SLC49A4: variants seen among roughly 807,000 people sequenced by gnomAD.
The protein encoded by SLC49A4 is solute carrier family 49 member 4, also known as disrupted in renal cancer protein 2.
In SLC49A4, 36 loss-of-function variants were observed where a neutral mutation model predicts 50.6. The observed-to-expected ratio is 0.71, with a 90% CI of 0.55 to 0.94. The LOEUF is 0.94. Among genes scored for constraint, SLC49A4 ranks in the 40% least tolerant of loss-of-function variants. The pLI, the probability that SLC49A4 is intolerant of heterozygous loss-of-function variation, is 0.00. For synonymous variants in SLC49A4, 248 were observed against 241.2 expected, an observed-to-expected ratio of 1.03 and a Z score of -0.26; for missense variants, 503 against 605.7, an observed-to-expected ratio of 0.83 and a Z score of 1.78.
intron 8 of SLC49A4, among the ~76,000 whole-genome samples, chr3:122,874,496 G>C (rs992742705): frequency 3.3e-5 from 5 of 152,104 alleles, no homozygotes; most frequent in Admixed American, 6.5e-5. Context: ...CCTCTTTTTG[G>C]TCAGTTTCTG....
chr3:122,824,730 CT>C (rs71621693), intron 2 of SLC49A4, among the ~76,000 whole-genome samples: 4,141 of 82,834 alleles, frequency 0.05, 28 homozygotes, highest in Middle Eastern at 0.11. Flanking sequence ...TTTTTTCCTT[CT>C]TTTTTTTTTT....
intron 4 of SLC49A4, among the ~76,000 whole-genome samples, chr3:122,843,722 A>T (rs1383166238): frequency 2.6e-5 from 4 of 152,302 alleles, no homozygotes; most frequent in Middle Eastern, 3.4e-3. Flanking sequence ...CTCATTGTAT[A>T]GTTTGACATG....
chr3:122,838,214 A>G (rs1389024048), intron 4 of SLC49A4, among the ~76,000 whole-genome samples: 8 of 152,192 alleles, frequency 5.3e-5, no homozygotes. Context: ...CTGGGTATAT[A>G]CCCAAAGGAT....
chr3:122,822,031 G>A (rs1936461033), intron 2 of SLC49A4, among the ~76,000 whole-genome samples: 1 of 152,100 alleles, frequency 6.6e-6, no homozygotes, highest in South Asian at 2.1e-4. Flanking sequence ...GTTCCCGAGA[G>A]CATCCACACT....
chr3:122,845,301 CT>C (rs955405744), intron 4 of SLC49A4, among the ~76,000 whole-genome samples: 107 of 152,246 alleles, frequency 7.0e-4, no homozygotes, highest in African/African-American at 2.4e-3. Flanking sequence ...TGATCTTGTT[CT>C]TTTTTATGTC....
intron 2 of SLC49A4, among the ~76,000 whole-genome samples, chr3:122,810,062 A>C (rs1182630543): frequency 6.6e-6 from 1 of 152,188 alleles, no homozygotes; most frequent in Non-Finnish European, 1.5e-5. Flanking sequence ...TGAAACAAGC[A>C]TTTACAAGTC....
intron 1 of SLC49A4, 90 bp downstream of exon 1, chr3:122,795,625 G>GC: frequency 2.7e-6 from 4 of 1,492,332 alleles, no homozygotes; most frequent in Non-Finnish European, 3.5e-6. Flanking sequence ...GCCTCCCTTG[G>GC]CCCCGGCATA....
chr3:122,817,361 C>T (rs1255112649), intron 2 of SLC49A4, among the ~76,000 whole-genome samples: 1 of 152,154 alleles, frequency 6.6e-6, no homozygotes, highest in Non-Finnish European at 1.5e-5. Context: ...AGATTCTCTT[C>T]TAGAGCCTCT....
intron 2 of SLC49A4, among the ~76,000 whole-genome samples, chr3:122,823,240 C>T (rs1224883312): frequency 6.6e-6 from 1 of 152,220 alleles, no homozygotes; most frequent in South Asian, 2.1e-4. Context: ...CTGTGTACTT[C>T]CTAGGCCTAA....
At chr3:122,840,917 T>G (rs966744708) in intron 4 of SLC49A4, among the ~76,000 whole-genome samples, 6 of 152,200 alleles carry the variant, frequency 3.9e-5, no homozygotes, top group African/African-American at 1.2e-4. Context: ...TAATTGCAGA[T>G]CTAACACTTC....
At chr3:122,845,722 TTTAA>T (rs1379855844) in intron 4 of SLC49A4, 37 bp from the exon 5 acceptor site, 1 of 1,254,448 alleles carries the variant, frequency 8.0e-7, no homozygotes. Context: ...ATTCTAGATT[TTTAA>T]TTTGTTACAA....
In SLC49A4 at chr3:122,876,134, C is replaced by T. The variant is rs555845306; in HGVS notation, c.1322-3129C>T. Among the ~76,000 whole-genome samples the T allele has an allele frequency of 2.0e-5, 3 of 152,188 alleles. No homozygotes were observed. In the South Asian group the frequency reaches 6.2e-4, roughly 32 times the overall value. On this transcript the variant is annotated intron_variant, in intron 8 of 8. Transcript: ENST00000261038. ...GCTTCCTGTGTTTGTTTTGAGAATC[C>T]CATTGAGTTGACATAGCACAGTGAT... is the stretch of plus-strand genomic sequence containing the variant.
At chr3:122,848,478 A>G (rs1936885908) in intron 5 of SLC49A4, among the ~76,000 whole-genome samples, 1 of 152,074 alleles carries the variant, frequency 6.6e-6, no homozygotes, top group South Asian at 2.1e-4. Flanking sequence ...GATCATTTTC[A>G]AAATTAACTC....
intron 3 of SLC49A4, among the ~76,000 whole-genome samples, chr3:122,830,095 T>G (rs910141816): frequency 2.0e-5 from 3 of 152,164 alleles, no homozygotes; most frequent in African/African-American, 7.2e-5. Flanking sequence ...TCAAAAAGAA[T>G]AAAAGATTTA....
chr3:122,822,234 A>G (rs569875529), intron 2 of SLC49A4, among the ~76,000 whole-genome samples: 1 of 152,130 alleles, frequency 6.6e-6, no homozygotes, highest in Non-Finnish European at 1.5e-5. Flanking sequence ...TGTCGTTTTT[A>G]ATAGTCAGCC....
intron 2 of SLC49A4, among the ~76,000 whole-genome samples, chr3:122,813,021 G>C (rs969411825): frequency 1.3e-5 from 2 of 152,096 alleles, no homozygotes; most frequent in Non-Finnish European, 2.9e-5. Context: ...AGGTCAAGGC[G>C]GGCGGATCAC....
intron 3 of SLC49A4, 68 bp from the exon 4 acceptor site, chr3:122,833,249 A>T: frequency 2.0e-6 from 3 of 1,512,806 alleles, no homozygotes; most frequent in Non-Finnish European, 2.7e-6. Flanking sequence ...TCAAAAAACA[A>T]ATAAATACTT....
chr3:122,811,012 G>A (rs1409948096), intron 2 of SLC49A4, among the ~76,000 whole-genome samples: 1 of 152,138 alleles, frequency 6.6e-6, no homozygotes, highest in Non-Finnish European at 1.5e-5. Context: ...ATCTGAGGGT[G>A]GAGAGGACCT....
At chr3:122,799,394 T>C (rs1936098856) in intron 1 of SLC49A4, among the ~76,000 whole-genome samples, 1 of 152,184 alleles carries the variant, frequency 6.6e-6, no homozygotes, top group Non-Finnish European at 1.5e-5. Flanking sequence ...GAAGACTGTT[T>C]CTGGCAAAGG....
Sources: gnomAD v4.1 joint callset for allele counts (sites outside exome capture counted in the v4.1 genomes callset) on GRCh38, gnomAD v4.1.1 for gene constraint, MANE v1.5 for transcripts, NCBI Gene and HGNC (gene_info 2026-07-23, HGNC 2026-07-21) for gene names.